Variants in RPS6KA2 observed in about 807,000 individuals in gnomAD.
RPS6KA2 encodes the protein ribosomal protein S6 kinase alpha-2.
RPS6KA2 carries 42 observed loss-of-function variants against 91.8 expected under a neutral mutation model. The observed-to-expected ratio is 0.46, with a 90% CI of 0.36 to 0.59. The LOEUF (loss-of-function observed/expected upper bound fraction) is 0.59, where lower values mean the gene tolerates loss of function less well. RPS6KA2 is among the 20% of genes least tolerant of loss of function. The probability of loss-of-function intolerance (pLI) is 0.00; values close to 1 mark genes in which losing one functional copy is unlikely to be tolerated. For synonymous variants in RPS6KA2, 414 were observed against 393.6 expected, an observed-to-expected ratio of 1.05 and a Z score of -0.61; for missense variants, 798 against 978.5, an observed-to-expected ratio of 0.82 and a Z score of 2.46.
At chr6:166,471,618 T>C (rs937739226) in intron 10 of RPS6KA2, among the ~76,000 whole-genome samples, 1 of 152,246 alleles carries the variant, frequency 6.6e-6, no homozygotes, top group Non-Finnish European at 1.5e-5. Flanking sequence ...CGCAGAATCA[T>C]AGGACAGACA....
At chr6:166,668,192 G>T (rs1445119686) in intron 2 of RPS6KA2, among the ~76,000 whole-genome samples, 1 of 152,294 alleles carries the variant, frequency 6.6e-6, no homozygotes, top group South Asian at 2.1e-4. Context: ...AGCATTTGGA[G>T]AAACTGAAGG....
chr6:166,453,678 G>A (rs1017784570), intron 12 of RPS6KA2, among the ~76,000 whole-genome samples: 5 of 152,280 alleles, frequency 3.3e-5, no homozygotes, highest in Admixed American at 2.6e-4. Flanking sequence ...AACTATATTC[G>A]ATGCAGCAAT....
At chr6:166,679,337 G>C (rs571545533) in intron 2 of RPS6KA2, among the ~76,000 whole-genome samples, 1 of 151,886 alleles carries the variant, frequency 6.6e-6, no homozygotes, top group African/African-American at 2.4e-5. Flanking sequence ...GGTGGCGGGT[G>C]CCTGTAATCA....
chr6:166,826,777 T>C (rs948278541), intron 2 of RPS6KA2, among the ~76,000 whole-genome samples: 9 of 152,192 alleles, frequency 5.9e-5, no homozygotes, highest in African/African-American at 1.9e-4. Flanking sequence ...CTAGATTTAG[T>C]ATAGGGCTTG....
At chr6:166,680,220 T>C (rs1788750736) in intron 2 of RPS6KA2, among the ~76,000 whole-genome samples, 1 of 152,136 alleles carries the variant, frequency 6.6e-6, no homozygotes, top group Non-Finnish European at 1.5e-5. Context: ...AACTAAAGGA[T>C]TGTAAACACA....
intron 2 of RPS6KA2, among the ~76,000 whole-genome samples, chr6:166,696,185 G>A (rs540823931): frequency 2.0e-5 from 3 of 152,272 alleles, no homozygotes; most frequent in South Asian, 2.1e-4. Context: ...AGCTCTCCAG[G>A]AAACAGCAGG....
chr6:166,557,919 T>C lies in RPS6KA2; in HGVS notation c.100-19135A>G, dbSNP rs140538897. 2.6e-5 allele frequency among the ~76,000 whole-genome samples: 4 copies of C among 152,190 alleles called. No homozygotes were observed. The highest frequency in any genetic ancestry group is 1.9e-4 in the East Asian group (1 of 5,186). On this transcript the variant is annotated intron_variant, in intron 1 of 20. Transcript: ENST00000265678. This position sits in a 1 kb window ranked among gnomAD's most constrained non-coding sequence, Gnocchi z 4.8. ...AGAAAAACAAAACCAGTAGGTGATATGTGTGTATGTGTGTGGGTGTGGGTG... is the reference window on the plus strand; with the variant it reads ...AGAAAAACAAAACCAGTAGGTGATACGTGTGTATGTGTGTGGGTGTGGGTG...
intron 5 of RPS6KA2, among the ~76,000 whole-genome samples, chr6:166,507,837 C>T (rs1278209822): frequency 6.6e-6 from 1 of 150,786 alleles, no homozygotes; most frequent in Non-Finnish European, 1.5e-5. Context: ...CACACACACT[C>T]ACATTCCCAC....
rs143541204 is a variant in RPS6KA2, at chr6:166,836,328, C to T, written c.123+21872G>A. 9.3e-3 allele frequency among the ~76,000 whole-genome samples: 1,418 copies of T among 152,044 alleles called. 28 individuals carry two copies. Among genetic ancestry groups the T allele is most frequent in the Admixed American group, 0.03 (461 of 15,282 alleles). ...TGTGTAGAATTGGTAATATTTCTTCCTTAAATGTTCGATAGAATTCACTAG... is the reference window on the plus strand; with the variant it reads ...TGTGTAGAATTGGTAATATTTCTTCTTTAAATGTTCGATAGAATTCACTAG... On this transcript the variant is annotated intron_variant, in intron 2 of 21. Coordinates refer to the RPS6KA2 transcript ENST00000503859.
intron 1 of RPS6KA2, among the ~76,000 whole-genome samples, chr6:166,623,400 G>C (rs1352039977): frequency 1.3e-5 from 2 of 152,200 alleles, no homozygotes; most frequent in Non-Finnish European, 2.9e-5. Context: ...TCAGCTCAGT[G>C]GACCTATGGT....
intron 2 of RPS6KA2, among the ~76,000 whole-genome samples, chr6:166,685,900 C>G (rs992563517): frequency 6.6e-6 from 1 of 152,144 alleles, no homozygotes; most frequent in Non-Finnish European, 1.5e-5. Flanking sequence ...TCGAGTGATC[C>G]CGCAGACAAT....
chr6:166,455,903 T>C (rs1169021235), intron 12 of RPS6KA2, among the ~76,000 whole-genome samples: 1 of 152,218 alleles, frequency 6.6e-6, no homozygotes, highest in Non-Finnish European at 1.5e-5. Flanking sequence ...TGTCTTCCCT[T>C]AGGGATTTAG....
intron 2 of RPS6KA2, among the ~76,000 whole-genome samples, chr6:166,758,807 G>T (rs1778092703): frequency 6.6e-6 from 1 of 152,162 alleles, no homozygotes; most frequent in African/African-American, 2.4e-5. Context: ...TTGATTTAGG[G>T]TAGTGCATTG....
chr6:166,625,331 ACCCC>A (rs10583661), intron 1 of RPS6KA2, among the ~76,000 whole-genome samples: 2 of 52,598 alleles, frequency 3.8e-5, no homozygotes, highest in South Asian at 9.8e-4. Flanking sequence ...CCACCCCCCC[ACCCC>A]CCCCCCCGCT....
At chr6:166,506,878 G>T (rs1782246335) in intron 5 of RPS6KA2, among the ~76,000 whole-genome samples, 1 of 152,150 alleles carries the variant, frequency 6.6e-6, no homozygotes, top group Admixed American at 6.5e-5. Context: ...AGGATCGTCA[G>T]AACGGAAAGC....
At chr6:166,687,858 T>A (rs765047182) in intron 2 of RPS6KA2, among the ~76,000 whole-genome samples, 28 of 152,152 alleles carry the variant, frequency 1.8e-4, no homozygotes, top group Admixed American at 9.8e-4. Context: ...TTATGTGTGG[T>A]CCAAAGAATG....
intron 2 of RPS6KA2, among the ~76,000 whole-genome samples, chr6:166,792,692 G>T (rs1779122760): frequency 1.3e-5 from 2 of 152,148 alleles, no homozygotes; most frequent in African/African-American, 4.8e-5. Flanking sequence ...ATGCAAGGCT[G>T]GTTCAATATA....
Position 166,500,953 on chromosome 6 carries a change from T to G in RPS6KA2, c.567-29A>C. ...AAAGAAAGGGAGAGAAAACAGATGC[T>G]TTAGAAAGAGACCCAGCCTGCCGAC... On this transcript the variant is annotated intron_variant, in intron 6 of 20. Coordinates refer to ENST00000265678, the MANE Select transcript of RPS6KA2 (RefSeq NM_021135.6). The surrounding 1 kb of genome is among the most constrained non-coding windows in gnomAD (Gnocchi z 4.3). 6.2e-7 allele frequency: 1 copy of G among 1,609,614 alleles called. No individual in the cohort carries two copies. Among genetic ancestry groups the G allele is most frequent in the Non-Finnish European group, 8.5e-7 (1 of 1,176,278 alleles).
rs1387172691 is a variant in RPS6KA2 at position 166,433,077 on chromosome 6, A to G, written c.1333-587T>C. Among the ~76,000 whole-genome samples the G allele has an allele frequency of 6.6e-6, 1 of 151,366 alleles. No individual in the cohort carries two copies. The highest frequency in any genetic ancestry group is 2.4e-5 in the African/African-American group (1 of 41,094). Reference sequence around the variant, plus strand: ...AGGTTGGGTGGAGACACGTGTAGGGAGCTCATGCAAGTGCCACCAAATAAC... The same window carrying G: ...AGGTTGGGTGGAGACACGTGTAGGGGGCTCATGCAAGTGCCACCAAATAAC... On this transcript the variant is annotated intron_variant, in intron 14 of 20. Transcript: ENST00000265678. This position sits in a 1 kb window ranked among gnomAD's most constrained non-coding sequence, Gnocchi z 4.4.
Sources: gnomAD v4.1 joint callset for allele counts (sites outside exome capture counted in the v4.1 genomes callset) on GRCh38, gnomAD v4.1.1 for gene constraint, Gnocchi (gnomAD v3.1) non-coding constraint, MANE v1.5 for transcripts, NCBI Gene and HGNC (gene_info 2026-07-23, HGNC 2026-07-21) for gene names.